Variants in ZNF335 observed in about 807,000 individuals in gnomAD.
ZNF335 encodes the protein NRC-interacting factor 1.
Under a neutral mutation model 145.6 loss-of-function variants are expected in ZNF335, and 84 were observed. The observed-to-expected ratio is 0.58, with a 90% CI of 0.48 to 0.69. The LOEUF (loss-of-function observed/expected upper bound fraction) is 0.69. Among genes scored for constraint, ZNF335 ranks in the 30% least tolerant of loss-of-function variants. The probability of loss-of-function intolerance (pLI) is 0.00; values close to 1 mark genes in which losing one functional copy is unlikely to be tolerated. For synonymous variants in ZNF335, 761 were observed against 717.0 expected (o/e 1.06, Z -0.98); for missense variants, 1,865 against 1,809.7 (o/e 1.03, Z -0.55).
chr20:45,949,695 G>A lies in ZNF335; in HGVS notation c.3669+105C>T, dbSNP rs2083592167. 4 of 1,469,182 alleles carry A rather than the reference G, an allele frequency of 2.7e-6. No homozygotes were observed. In the Admixed American group the frequency reaches 7.1e-5, roughly 26 times the overall value. 91.0% of individuals were successfully genotyped at this position (1,469,182 alleles called of 1,614,324 possible). On this transcript the variant is annotated intron_variant, in intron 24 of 27. Coordinates refer to ENST00000322927, the MANE Select transcript of ZNF335 (RefSeq NM_022095.4). Reference sequence around the variant, plus strand: ...CAACAATGCAGTTGTTGGCAAGCATGGACCCCAGGAGGGGTGGTTTGGAAA... The same window carrying A: ...CAACAATGCAGTTGTTGGCAAGCATAGACCCCAGGAGGGGTGGTTTGGAAA...
rs766449455 is a variant in ZNF335 at position 45,952,127 on chromosome 20, C to T, written c.3189+20G>A. 6.4e-7 allele frequency: 1 copy of T among 1,568,612 alleles called. No individual in the cohort carries two copies. The highest frequency in any genetic ancestry group is 1.2e-5 in the South Asian group (1 of 85,844). On this transcript the variant is annotated intron_variant, in intron 20 of 27. Coordinates refer to ENST00000322927, the MANE Select transcript of ZNF335 (RefSeq NM_022095.4). ...AGCCCAATGAATGACAGCAGAGACA[C>T]AGGAGCAACCAGCACCTACCCGGAC...
chr20:45,957,966 A>T, intron 15 of ZNF335, 38 bp from the exon 16 acceptor site: 1 of 1,573,690 alleles, frequency 6.4e-7, no homozygotes, highest in East Asian at 2.2e-5. Context: ...GAGAGGGGCC[A>T]GCCCAGATTC....
In ZNF335 at chr20:45,949,234, C is replaced by G; in HGVS notation, c.3837G>C (p.Val1279=). 1 of 1,613,868 alleles carries G rather than the reference C, an allele frequency of 6.2e-7. No individual in the cohort carries two copies. The highest frequency in any genetic ancestry group is 1.1e-5 in the South Asian group (1 of 91,084). The change falls in exon 27 of 28, where the codon GTG becomes GTC. Residue 1279 remains valine, a synonymous_variant. Coordinates refer to ENST00000322927, the MANE Select transcript of ZNF335 (RefSeq NM_022095.4). ...GTGTGACAAGCTGCTGGCCTGGGGA[C>G]ACAGGCACATACTGGATCTGGAGGG... ...LQESQIQYVP[V]SPGQQLVTQA...
intron 20 of ZNF335, among the ~76,000 whole-genome samples, chr20:45,950,887 C>T (rs2083619031): frequency 2.6e-5 from 4 of 152,028 alleles, no homozygotes; most frequent in South Asian, 2.1e-4. Context: ...CAGGTCCCAT[C>T]GGGCCCTGAA....
At chr20:45,965,478 T>C (rs995474523) in intron 7 of ZNF335, 150 bp downstream of exon 7, 91 of 889,854 alleles carry the variant, frequency 1.0e-4, no homozygotes, top group Admixed American at 1.3e-4. Flanking sequence ...CTTTGAGGGC[T>C]TTCCCCTTTC....
intron 4 of ZNF335, 69 bp downstream of exon 4, chr20:45,968,216 G>A (rs765885274): frequency 3.0e-5 from 47 of 1,557,864 alleles, no homozygotes; most frequent in South Asian, 7.8e-5. Context: ...GGAATCCGCG[G>A]CAGAACCTGT....
chr20:45,966,708 C>T (rs1013929601), intron 6 of ZNF335, among the ~76,000 whole-genome samples: 5 of 151,688 alleles, frequency 3.3e-5, no homozygotes, highest in African/African-American at 9.7e-5. Context: ...CCCGCCACCA[C>T]ACCCAGCTAA....
At chr20:45,963,689 T>C (rs752553896) in intron 8 of ZNF335, 39 bp from the exon 9 acceptor site, 130 of 1,613,868 alleles carry the variant, frequency 8.1e-5, no homozygotes, top group Non-Finnish European at 1.1e-4. Context: ...CTGGTGGGGT[T>C]GGTGGCTTAA....
intron 18 of ZNF335, 74 bp downstream of exon 18, chr20:45,953,615 G>T: frequency 6.3e-7 from 1 of 1,577,542 alleles, no homozygotes; most frequent in Non-Finnish European, 8.6e-7. Context: ...ACTAGGCTTG[G>T]GTGGGGCCCA....
At chr20:45,961,030 A>T in intron 10 of ZNF335, 148 bp from the exon 11 acceptor site, 1 of 987,412 alleles carries the variant, frequency 1.0e-6, no homozygotes, top group Non-Finnish European at 1.5e-6. Context: ...GCTGGAGTTC[A>T]CTGGGGAAAA....
intron 2 of ZNF335, among the ~76,000 whole-genome samples, chr20:45,970,907 C>G (rs1411584384): frequency 6.6e-6 from 1 of 152,032 alleles, no homozygotes; most frequent in Admixed American, 6.6e-5. Context: ...ATCTGCCTCT[C>G]AAAGTGTGAG....
chr20:45,968,318 T>C lies in ZNF335; in HGVS notation c.487A>G (p.Thr163Ala). 6.2e-7 allele frequency: 1 copy of C among 1,613,400 alleles called. No homozygotes were observed. Among genetic ancestry groups the C allele is most frequent in the Non-Finnish European group, 8.5e-7 (1 of 1,179,602 alleles). ...GGGCCCTGTAGGATCAGGTACCGTG[T>C]GGTCTCGGCCCCGCCATCCTCAGCA... ...TSAEDGGAET[T>A]RYLILQGPDD... Residue 163 changes from threonine (T) to alanine (A), a missense_variant, in exon 4 of 28, where the codon ACA becomes GCA. Coordinates refer to ENST00000322927, the MANE Select transcript of ZNF335 (RefSeq NM_022095.4).
Position 45,949,790 on chromosome 20 carries a change from A to G in ZNF335, c.3669+10T>C. ...ACAGCTGAGGGGATTAACAGTAGCT[A>G]GTAGCTCACCTGGTTGTCGGAGGTC... is the stretch of plus-strand genomic sequence containing the variant. On this transcript the variant is annotated intron_variant, in intron 24 of 27. Transcript: ENST00000322927. The G allele has an allele frequency of 1.9e-6, 3 of 1,614,024 alleles. No individual in the cohort carries two copies. The highest frequency in any genetic ancestry group is 2.5e-6 in the Non-Finnish European group (3 of 1,179,932).
At chr20:45,958,068 T>TG (rs1169914980) in intron 15 of ZNF335, 140 bp from the exon 16 acceptor site, 7 of 647,772 alleles carry the variant, frequency 1.1e-5, no homozygotes, top group Non-Finnish European at 1.9e-5. Context: ...TTTTTTTTTT[T>TG]GAGATGGAGT....
chr20:45,951,228 C>T (rs766645955), intron 20 of ZNF335, among the ~76,000 whole-genome samples: 26 of 152,348 alleles, frequency 1.7e-4, no homozygotes, highest in Middle Eastern at 6.8e-3. Flanking sequence ...CCTGATAGGG[C>T]GTTCACCTCT....
intron 20 of ZNF335, among the ~76,000 whole-genome samples, chr20:45,951,365 GC>G (rs776989153): frequency 2.6e-5 from 4 of 152,242 alleles, no homozygotes; most frequent in Non-Finnish European, 4.4e-5. Context: ...CTGTGAACCT[GC>G]CCCAGAACTG....
At chr20:45,949,124 C>G (rs778609285) in intron 27 of ZNF335, 44 bp from the exon 28 acceptor site, 14 of 1,613,530 alleles carry the variant, frequency 8.7e-6, no homozygotes, top group South Asian at 7.7e-5. Context: ...GGCTCAAGAG[C>G]TGGGTCCATA....
At chr20:45,966,280 G>A (rs4812980) in intron 6 of ZNF335, among the ~76,000 whole-genome samples, 47,656 of 151,084 alleles carry the variant, frequency 0.32, 9,181 homozygotes, top group Middle Eastern at 0.46. Flanking sequence ...GGATTTCACC[G>A]TGTTAGCCAG....
In ZNF335 at chr20:45,949,228, T is replaced by A. The variant is rs35291173; in HGVS notation, c.3843A>T (p.Pro1281=). The A allele has an allele frequency of 2.5e-6, 4 of 1,613,734 alleles. No individual in the cohort carries two copies. In the Admixed American group the frequency reaches 6.7e-5, roughly 27 times the overall value. The change falls in exon 27 of 28, where the codon CCA becomes CCT. Residue 1281 remains proline (P), a synonymous_variant. Coordinates refer to ENST00000322927, the MANE Select transcript of ZNF335 (RefSeq NM_022095.4). Reference sequence around the variant, plus strand: ...GAGCCTGTGTGACAAGCTGCTGGCCTGGGGACACAGGCACATACTGGATCT... The same window carrying A: ...GAGCCTGTGTGACAAGCTGCTGGCCAGGGGACACAGGCACATACTGGATCT... ...ESQIQYVPVS[P]GQQLVTQAQL... is the part of the protein sequence containing the mutation.
Sources: allele counts gnomAD v4.1 joint callset (sites outside exome capture counted in the v4.1 genomes callset), GRCh38; gene constraint gnomAD v4.1.1; transcripts MANE v1.5; gene names NCBI Gene and HGNC (gene_info 2026-07-23, HGNC 2026-07-21).